Variants in APOH observed in about 807,000 individuals in gnomAD.
APOH encodes the protein beta-2-glycoprotein 1.
In APOH, 48 loss-of-function variants were observed where a neutral mutation model predicts 39.8. The observed-to-expected ratio is 1.21, with a 90% CI of 0.96 to 1.54. The LOEUF (loss-of-function observed/expected upper bound fraction) is 1.54, where lower values mean the gene tolerates loss of function less well. APOH is among the 40% of genes most tolerant of loss of function. The pLI is 0.00. For synonymous variants in APOH, 153 were observed against 151.1 expected (o/e 1.01, Z -0.09); for missense variants, 415 against 421.2 (o/e 0.99, Z 0.13).
intron 2 of APOH, among the ~76,000 whole-genome samples, chr17:66,226,903 T>A (rs201598721): frequency 7.2e-6 from 1 of 138,900 alleles, no homozygotes. Flanking sequence ...TTATTTTTTT[T>A]TTTGAGACAG....
At chr17:66,223,806 T>A (rs776441676) in intron 3 of APOH, 32 bp from the exon 4 acceptor site, 1 of 1,579,798 alleles carries the variant, frequency 6.3e-7, no homozygotes, top group South Asian at 1.1e-5. Context: ...TATCAAGGAG[T>A]AAAATAATCC....
At chr17:66,229,287 T>G in intron 1 of APOH, 29 bp downstream of exon 1, 1 of 1,589,974 alleles carries the variant, frequency 6.3e-7, no homozygotes, top group Non-Finnish European at 8.6e-7. Context: ...GATATATTAA[T>G]TATTTTTTCA....
intron 6 of APOH, among the ~76,000 whole-genome samples, chr17:66,216,297 A>T (rs748871522): frequency 6.6e-6 from 1 of 152,178 alleles, no homozygotes; most frequent in Admixed American, 6.6e-5. Context: ...AGCCTGGCCA[A>T]CGTGGCAAAG....
At chr17:66,213,519 G>C (rs2073347442) in intron 7 of APOH, among the ~76,000 whole-genome samples, 1 of 152,094 alleles carries the variant, frequency 6.6e-6, no homozygotes, top group Admixed American at 6.6e-5. Flanking sequence ...ACCAAGATGA[G>C]GTAGATATTT....
At chr17:66,213,422 T>C (rs4791079) in intron 7 of APOH, among the ~76,000 whole-genome samples, 1 of 152,076 alleles carries the variant, frequency 6.6e-6, no homozygotes, top group African/African-American at 2.4e-5. Context: ...ACGAATTGCT[T>C]GAGAAAGGGG....
chr17:66,212,345 A>G (rs1282551745), intron 7 of APOH, among the ~76,000 whole-genome samples, 157 bp from the exon 8 acceptor site: 1 of 152,172 alleles, frequency 6.6e-6, no homozygotes, highest in African/African-American at 2.4e-5. Context: ...GATGGGAGAA[A>G]ACATTAGGGA....
intron 1 of APOH, 83 bp downstream of exon 1, chr17:66,229,233 G>A (rs1233386397): frequency 1.6e-5 from 19 of 1,152,430 alleles, no homozygotes; most frequent in East Asian, 2.7e-5. Flanking sequence ...AAGCACGCCC[G>A]GCCTACTTAT....
intron 6 of APOH, 63 bp downstream of exon 6, chr17:66,216,725 A>T: frequency 6.9e-7 from 1 of 1,445,748 alleles, no homozygotes; most frequent in Non-Finnish European, 9.3e-7. Context: ...AGAAAATAGC[A>T]AGTAAAGGTG....
In APOH at chr17:66,216,857, A is replaced by G. The variant is rs768991912; in HGVS notation, c.715T>C (p.Ser239Pro). ...TCTATTTCTTCCGGGCCATCCAGAGAATATCCATCATGGCAGCCAAATGTG... is the reference window on the plus strand; with the variant it reads ...TCTATTTCTTCCGGGCCATCCAGAGGATATCCATCATGGCAGCCAAATGTG... Reference protein sequence around the residue: ...KATFGCHDGYSLDGPEEIECT... With the variant: ...KATFGCHDGYPLDGPEEIECT... The change falls in exon 6 of 8, where the codon TCT (serine) becomes CCT (proline). Residue 239 changes from serine (S) to proline (P), a missense_variant. Ser to Pro is a moderately conservative substitution (Grantham distance 74). Around this residue, in one of 3 missense-constraint regions of APOH, gnomAD observed 7 missense variants for 25.6 expected, o/e 0.27. Transcript: ENST00000205948. 2.7e-5 allele frequency: 44 copies of G among 1,612,994 alleles called. No individual in the cohort carries two copies. The highest frequency in any genetic ancestry group is 3.5e-5 in the Non-Finnish European group (41 of 1,179,620).
At chr17:66,212,916 T>C (rs1234113949) in intron 7 of APOH, among the ~76,000 whole-genome samples, 3 of 152,252 alleles carry the variant, frequency 2.0e-5, no homozygotes, top group Non-Finnish European at 4.4e-5. Flanking sequence ...TATTTTGTCA[T>C]GTTTTGTATT....
At chr17:66,212,631 G>A (rs8178945) in intron 7 of APOH, among the ~76,000 whole-genome samples, 75 of 152,192 alleles carry the variant, frequency 4.9e-4, no homozygotes, top group African/African-American at 1.7e-3. Flanking sequence ...CGCCCGCCTT[G>A]GCCTCCCAAA....
chr17:66,217,382 G>A (rs1239982318), intron 5 of APOH, among the ~76,000 whole-genome samples: 2 of 139,930 alleles, frequency 1.4e-5, no homozygotes, highest in Non-Finnish European at 3.0e-5. Context: ...CCATTATTTG[G>A]CTTTAAAATA....
At chr17:66,223,019 A>C (rs1458181253) in intron 4 of APOH, among the ~76,000 whole-genome samples, 1 of 152,232 alleles carries the variant, frequency 6.6e-6, no homozygotes, top group Non-Finnish European at 1.5e-5. Context: ...AAGCCCAGAG[A>C]TGACTCTGAC....
At chr17:66,215,243 C>T (rs2073357951) in intron 6 of APOH, among the ~76,000 whole-genome samples, 1 of 152,188 alleles carries the variant, frequency 6.6e-6, no homozygotes, top group African/African-American at 2.4e-5. Flanking sequence ...TCCAGAGCTC[C>T]CAGTGGGATC....
intron 2 of APOH, among the ~76,000 whole-genome samples, chr17:66,226,784 A>G (rs1406510706): frequency 2.0e-5 from 3 of 152,248 alleles, no homozygotes; most frequent in Non-Finnish European, 4.4e-5. Flanking sequence ...AGAAAAATAC[A>G]AAATTATACC....
chr17:66,213,280 A>G (rs760144003), intron 7 of APOH, among the ~76,000 whole-genome samples: 3 of 152,214 alleles, frequency 2.0e-5, no homozygotes, highest in African/African-American at 4.8e-5. Context: ...CTAAATCTGA[A>G]ACCTTAAAAG....
chr17:66,213,524 A>G (rs981196297), intron 7 of APOH, among the ~76,000 whole-genome samples: 1 of 152,206 alleles, frequency 6.6e-6, no homozygotes, highest in Non-Finnish European at 1.5e-5. Flanking sequence ...GATGAGGTAG[A>G]TATTTTATTA....
chr17:66,224,091 A>T (rs2073419861), intron 3 of APOH, among the ~76,000 whole-genome samples: 1 of 152,240 alleles, frequency 6.6e-6, no homozygotes. Flanking sequence ...GGATGACAAA[A>T]GTGAACCAAA....
At position 66,214,574 on chromosome 17, in the gene APOH, C is replaced by T; in HGVS notation, c.861G>A (p.Lys287=). ...CTTTATCACCATGTAGCATTCCATTCTTAAATTTTTCCTGAATCTTTACTC... is the reference window on the plus strand; with the variant it reads ...CTTTATCACCATGTAGCATTCCATTTTTAAATTTTTCCTGAATCTTTACTC... ...GERVKIQEKF[K]NGMLHGDKVS... The change falls in exon 7 of 8, where the codon AAG becomes AAA. Residue 287 remains lysine, a synonymous_variant. Transcript: ENST00000205948. The T allele has an allele frequency of 6.2e-7, 1 of 1,614,058 alleles. No individual in the cohort carries two copies. The highest frequency in any genetic ancestry group is 8.5e-7 in the Non-Finnish European group (1 of 1,179,980).
Sources: gnomAD v4.1 joint callset for allele counts (sites outside exome capture counted in the v4.1 genomes callset) on GRCh38, gnomAD v4.1.1 for gene constraint, gnomAD v4.1.1 regional missense constraint, MANE v1.5 for transcripts, NCBI Gene and HGNC (gene_info 2026-07-23, HGNC 2026-07-21) for gene names.